The following PCDHGA1 variants were observed in gnomAD, a reference collection of about 807,000 sequenced individuals.
The protein encoded by PCDHGA1 is protocadherin gamma-A1.
Under a neutral mutation model 58.0 loss-of-function variants are expected in PCDHGA1, and 32 were observed. That is an observed-to-expected ratio of 0.55 (90% CI 0.42 to 0.74). The LOEUF (loss-of-function observed/expected upper bound fraction) is 0.74. Ranked by LOEUF, PCDHGA1 falls within the 30% of genes least tolerant of loss-of-function variation. The pLI, the probability that PCDHGA1 is intolerant of heterozygous loss-of-function variation, is 0.00. For missense variants in PCDHGA1, 1,205 were observed against 1,182.3 expected (o/e 1.02, Z -0.28); for synonymous variants, 498 against 501.1 (o/e 0.99, Z 0.08).
At position 141,448,695 on chromosome 5, in the gene PCDHGA1, C is replaced by T. The variant is rs535473305; in HGVS notation, c.2422-46112C>T. 2.7e-4 allele frequency among the ~76,000 whole-genome samples: 41 copies of T among 152,246 alleles called. No homozygotes were observed. In the South Asian group the frequency reaches 8.5e-3, roughly 32 times the overall value. On this transcript the variant is annotated intron_variant, in intron 1 of 3. Coordinates refer to ENST00000517417, the MANE Select transcript of PCDHGA1 (RefSeq NM_018912.3). Reference sequence around the variant, plus strand: ...GTGGCTCACGCCTGTAATCGCAGCACTTTGGGAGGCCGAGGCGGGAGGATC... The same window carrying T: ...GTGGCTCACGCCTGTAATCGCAGCATTTTGGGAGGCCGAGGCGGGAGGATC...
In PCDHGA1 at chr5:141,432,357, T is replaced by C. The variant is rs778669079; in HGVS notation, c.2422-62450T>C. 6.2e-7 allele frequency: 1 copy of C among 1,614,244 alleles called. No homozygotes were observed. Among genetic ancestry groups the C allele is most frequent in the African/African-American group, 1.3e-5 (1 of 75,072 alleles). The stretch of plus-strand genomic sequence containing the variant: ...TTCCGAGACTTGCAAGTGAAAGTGA[T>C]GGCGCGGGACAACGGGCACCCGCCC... On this transcript the variant is annotated intron_variant, in intron 1 of 3. Coordinates refer to ENST00000517417, the MANE Select transcript of PCDHGA1 (RefSeq NM_018912.3). This position sits in a 1 kb window ranked among gnomAD's most constrained non-coding sequence, Gnocchi z 6.0.
At chr5:141,415,696 G>C (rs867312295) in intron 1 of PCDHGA1, 12 of 1,397,434 alleles carry the variant, frequency 8.6e-6, no homozygotes, top group Non-Finnish European at 1.1e-5. Flanking sequence ...GGTGGAAAGT[G>C]TAAATGCTAA....
Position 141,376,680 on chromosome 5 carries a change from T to TTTTTTTTTGTTTTG in PCDHGA1, c.2421+43583_2421+43584insGTTTTGTTTTTTTT, listed in dbSNP as rs1431701982. ...CCTTGTTCAGGTGAGGGTATCGTTT[T>TTTTTTTTTGTTTTG]TTTTTTTTTTTTTTTTTGAGACGGA... On this transcript the variant is annotated intron_variant, in intron 1 of 3. Transcript: ENST00000517417. The TTTTTTTTTGTTTTG allele has an allele frequency of 6.0e-6, 4 of 666,834 alleles. No individual in the cohort carries two copies. In the African/African-American group the frequency reaches 8.2e-5, roughly 14 times the overall value. The allele number at this position is 666,834 out of a possible 1,614,324, so 41.3% of individuals were successfully genotyped here.
chr5:141,407,089 TTTTA>T (rs2094885755), intron 1 of PCDHGA1, among the ~76,000 whole-genome samples: 2 of 152,196 alleles, frequency 1.3e-5, no homozygotes, highest in South Asian at 4.1e-4. Flanking sequence ...TGAAGAATTG[TTTTA>T]TTTGTTTGTA....
chr5:141,351,924 C>T, intron 1 of PCDHGA1: 6 of 1,613,314 alleles, frequency 3.7e-6, no homozygotes, highest in Non-Finnish European at 5.1e-6. Context: ...AATGACAATG[C>T]GCCACGGGTG....
chr5:141,441,835 G>A (rs1423189098), intron 1 of PCDHGA1: 9 of 353,636 alleles, frequency 2.5e-5, no homozygotes, highest in Admixed American at 2.1e-4. Flanking sequence ...CAATGGCTTC[G>A]CGCTCTTGGA....
At chr5:141,350,680 T>C in intron 1 of PCDHGA1, 1 of 1,614,030 alleles carries the variant, frequency 6.2e-7, no homozygotes, top group East Asian at 2.2e-5. Flanking sequence ...TAGAAATTTG[T>C]GAGTCAGCCT....
intron 1 of PCDHGA1, among the ~76,000 whole-genome samples, chr5:141,494,512 C>T (rs2154591503): frequency 6.6e-6 from 1 of 152,276 alleles, no homozygotes; most frequent in Middle Eastern, 3.4e-3. Context: ...AATTTTGGCT[C>T]AGGAGTTCTG....
chr5:141,364,209 C>G, intron 1 of PCDHGA1: 1 of 1,214,680 alleles, frequency 8.2e-7, no homozygotes, highest in East Asian at 2.6e-5. Flanking sequence ...CAGACAAGCT[C>G]CTACGAAAAG....
At chr5:141,498,967 GGGAGGGAAGGAAGGAAGGAA>G (rs1464205074) in intron 2 of PCDHGA1, among the ~76,000 whole-genome samples, 5 of 129,584 alleles carry the variant, frequency 3.9e-5, no homozygotes, top group African/African-American at 1.6e-4. Flanking sequence ...GAGGGAGGGA[GGGAGGGAAGGAAGGAAGGAA>G]GGAAGGAAGG....
At chr5:141,383,476 G>T (rs983488072) in intron 1 of PCDHGA1, 1 of 1,613,748 alleles carries the variant, frequency 6.2e-7, no homozygotes, top group South Asian at 1.1e-5. Context: ...TAAGTACCCG[G>T]AACTGGTGCT....
chr5:141,351,992 G>T (rs773093816), intron 1 of PCDHGA1: 3 of 1,611,004 alleles, frequency 1.9e-6, no homozygotes, highest in Non-Finnish European at 2.5e-6. Flanking sequence ...GCCACGCGCC[G>T]CAGAGCCCGG....
At chr5:141,448,200 T>C (rs2098574351) in intron 1 of PCDHGA1, among the ~76,000 whole-genome samples, 1 of 152,156 alleles carries the variant, frequency 6.6e-6, no homozygotes, top group Non-Finnish European at 1.5e-5. Context: ...CTTACAAACA[T>C]TTTCTGTGTG....
rs1035125527 is a variant in PCDHGA1, at chr5:141,485,059, C to T, written c.2422-9748C>T. The T allele has an allele frequency of 7.0e-6, 6 of 858,958 alleles. No homozygotes were observed. The highest frequency in any genetic ancestry group is 2.4e-5 in the East Asian group (1 of 40,854). 53.2% of individuals were successfully genotyped at this position (858,958 alleles called of 1,614,324 possible). A position where few individuals can be genotyped will look rare whatever the true frequency, so the allele number is the denominator to read the frequency against. ...AACCCTTGCGGCGCCGGCCGAACCG[C>T]GCCAGAGCTGGCGCGGGGAAAGGGA... On this transcript the variant is annotated intron_variant, in intron 1 of 3. Coordinates refer to ENST00000517417, the MANE Select transcript of PCDHGA1 (RefSeq NM_018912.3). This position sits in a 1 kb window ranked among gnomAD's most constrained non-coding sequence, Gnocchi z 5.7.
chr5:141,464,208 T>G (rs915798868), intron 1 of PCDHGA1, among the ~76,000 whole-genome samples: 1 of 148,120 alleles, frequency 6.8e-6, no homozygotes, highest in Admixed American at 6.9e-5. Context: ...GAGATTGCAG[T>G]GAGCTGAGAT....
At chr5:141,371,574 A>G (rs1180063377) in intron 1 of PCDHGA1, 2 of 1,613,828 alleles carry the variant, frequency 1.2e-6, no homozygotes, top group East Asian at 4.5e-5. Flanking sequence ...CCCCTTTAAA[A>G]TCGTTCAAGA....
At chr5:141,482,555 T>C (rs1419129474) in intron 1 of PCDHGA1, among the ~76,000 whole-genome samples, 1 of 116,392 alleles carries the variant, frequency 8.6e-6, no homozygotes, top group African/African-American at 3.8e-5. Context: ...AAAAAGATAA[T>C]GGAGATCTGC....
At chr5:141,484,135 A>G (rs181630887) in intron 1 of PCDHGA1, among the ~76,000 whole-genome samples, 6 of 152,270 alleles carry the variant, frequency 3.9e-5, no homozygotes, top group Admixed American at 1.3e-4. Flanking sequence ...GTGTCAGATA[A>G]AGGGAATTTG....
chr5:141,412,343 A>T (rs928223487), intron 1 of PCDHGA1: 2 of 152,166 alleles, frequency 1.3e-5, no homozygotes, highest in African/African-American at 4.8e-5. Context: ...ATATATGTTC[A>T]TTTTAGTTTG....
Sources: allele counts gnomAD v4.1 joint callset (sites outside exome capture counted in the v4.1 genomes callset), GRCh38; gene constraint gnomAD v4.1.1; non-coding constraint Gnocchi (gnomAD v3.1); transcripts MANE v1.5; gene names NCBI Gene and HGNC (gene_info 2026-07-23, HGNC 2026-07-21).